Variants in SH3D19 observed in about 807,000 individuals in gnomAD.
SH3D19 encodes SH3 domain containing 19.
SH3D19 carries 58 observed loss-of-function variants against 112.1 expected under a neutral mutation model. The ratio of observed to expected loss-of-function variants is 0.52; its 90% CI spans 0.42 to 0.64. The LOEUF is 0.64. Ranked by LOEUF, SH3D19 falls within the 30% of genes least tolerant of loss-of-function variation. The pLI, the probability that SH3D19 is intolerant of heterozygous loss-of-function variation, is 0.00. For missense variants in SH3D19, 1,090 were observed against 1,263.4 expected, an observed-to-expected ratio of 0.86 and a Z score of 2.08; for synonymous variants, 391 against 448.5, an observed-to-expected ratio of 0.87 and a Z score of 1.62.
chr4:151,210,384 T>TTA (rs1561348042), intron 2 of SH3D19, among the ~76,000 whole-genome samples: 1 of 151,820 alleles, frequency 6.6e-6, no homozygotes, highest in Non-Finnish European at 1.5e-5. Context: ...GAAAAGAAAC[T>TTA]TATATATATC....
intron 1 of SH3D19, among the ~76,000 whole-genome samples, chr4:151,317,755 C>T (rs1349388885): frequency 1.3e-5 from 2 of 152,148 alleles, no homozygotes; most frequent in African/African-American, 4.8e-5. Flanking sequence ...AGGCACATCA[C>T]CTGAGGTCAG....
chr4:151,170,314 C>A (rs1211563977), intron 7 of SH3D19, among the ~76,000 whole-genome samples: 1 of 151,958 alleles, frequency 6.6e-6, no homozygotes, highest in Admixed American at 6.6e-5. Context: ...GAAAAAGTTA[C>A]AAGATTAAGC....
intron 1 of SH3D19, among the ~76,000 whole-genome samples, chr4:151,290,713 A>G (rs1775239095): frequency 6.6e-6 from 1 of 152,220 alleles, no homozygotes. Flanking sequence ...GAAAGAGAAC[A>G]AGACTAGAAG....
intron 3 of SH3D19, among the ~76,000 whole-genome samples, chr4:151,180,087 T>C (rs2149835604): frequency 6.6e-6 from 1 of 152,266 alleles, no homozygotes; most frequent in East Asian, 1.9e-4. Context: ...TTTCGCCATG[T>C]TGCTGGTCTC....
intron 1 of SH3D19, chr4:151,277,173 A>G (rs758543029): frequency 1.3e-5 from 19 of 1,482,880 alleles, no homozygotes; most frequent in Non-Finnish European, 1.7e-5. Flanking sequence ...GGACAGAGAC[A>G]TGGGCCCTGC....
Position 151,223,610 on chromosome 4 carries a change from G to A in SH3D19, c.152+2437C>T, listed in dbSNP as rs74877017. On this transcript the variant is annotated intron_variant, in intron 2 of 19. Coordinates refer to ENST00000604030, the MANE Select transcript of SH3D19 (RefSeq NM_001378122.1). ...GAAGAATTCTGCTAGTTTCCTCCAC[G>A]TATCAGCCTCTGGGTGTTTGAAGCC... 4.1e-3 allele frequency among the ~76,000 whole-genome samples: 630 copies of A among 152,240 alleles called. 1 individual carries two copies. Among genetic ancestry groups the A allele is most frequent in the Non-Finnish European group, 6.8e-3 (462 of 68,012 alleles).
At chr4:151,126,387 A>G (rs970222007) in intron 19 of SH3D19, among the ~76,000 whole-genome samples, 2 of 152,208 alleles carry the variant, frequency 1.3e-5, no homozygotes, top group African/African-American at 4.8e-5. Flanking sequence ...TGCCTGACAC[A>G]GGCTATTTTG....
intron 1 of SH3D19, among the ~76,000 whole-genome samples, chr4:151,265,810 C>A (rs1198483444): frequency 6.6e-6 from 1 of 151,932 alleles, no homozygotes; most frequent in Non-Finnish European, 1.5e-5. Flanking sequence ...GTAATGAACT[C>A]CTGACCTCAA....
intron 11 of SH3D19, 37 bp from the exon 12 acceptor site, chr4:151,144,087 A>G: frequency 6.3e-7 from 1 of 1,592,498 alleles, no homozygotes; most frequent in Non-Finnish European, 8.5e-7. Context: ...AGCAATTATT[A>G]TTTAATAAAA....
intron 11 of SH3D19, among the ~76,000 whole-genome samples, chr4:151,144,560 C>T (rs1278342511): frequency 2.0e-5 from 3 of 152,174 alleles, no homozygotes; most frequent in Admixed American, 1.3e-4. Flanking sequence ...TTCTGTTCTA[C>T]AGGACAAGAT....
intron 1 of SH3D19, chr4:151,279,875 C>CAGA: frequency 7.3e-7 from 1 of 1,374,420 alleles, no homozygotes; most frequent in Non-Finnish European, 1.0e-6. Context: ...GGCAGGTCAG[C>CAGA]CTACACTTTG....
chr4:151,248,073 TG>T (rs2149974456), intron 1 of SH3D19, among the ~76,000 whole-genome samples: 1 of 152,324 alleles, frequency 6.6e-6, no homozygotes, highest in Non-Finnish European at 1.5e-5. Context: ...TACTTCATGT[TG>T]ACCAGATTTT....
At chr4:151,304,367 T>G (rs2126341866) in intron 1 of SH3D19, among the ~76,000 whole-genome samples, 1 of 152,310 alleles carries the variant, frequency 6.6e-6, no homozygotes, top group Admixed American at 6.5e-5. Flanking sequence ...GTGGCATTTT[T>G]AACTTACCCT....
At chr4:151,149,613 T>C (rs1475465297) in intron 9 of SH3D19, 52 bp from the exon 10 acceptor site, 2 of 1,538,422 alleles carry the variant, frequency 1.3e-6, no homozygotes, top group Admixed American at 3.6e-5. Context: ...AAACAAGAAC[T>C]TGTCAAGAGA....
intron 2 of SH3D19, among the ~76,000 whole-genome samples, chr4:151,204,759 T>C (rs1013038835): frequency 1.3e-5 from 2 of 152,200 alleles, no homozygotes; most frequent in African/African-American, 4.8e-5. Context: ...AGGTGATATT[T>C]TTAACAATCA....
At chr4:151,220,724 G>C (rs533904627) in intron 2 of SH3D19, among the ~76,000 whole-genome samples, 1 of 152,158 alleles carries the variant, frequency 6.6e-6, no homozygotes, top group African/African-American at 2.4e-5. Flanking sequence ...TTTTAAACGA[G>C]TGTGTAGTAT....
chr4:151,126,999 T>C (rs946041869), intron 19 of SH3D19, among the ~76,000 whole-genome samples: 2 of 149,838 alleles, frequency 1.3e-5, no homozygotes, highest in Non-Finnish European at 3.0e-5. Flanking sequence ...AAGCTCCACC[T>C]CCCGGGTTCA....
intron 1 of SH3D19, among the ~76,000 whole-genome samples, chr4:151,241,384 TA>T (rs760989536): frequency 3.3e-5 from 5 of 151,966 alleles, no homozygotes; most frequent in Non-Finnish European, 7.3e-5. Flanking sequence ...ATGTCTAGAA[TA>T]AATAGGTCTA....
intron 7 of SH3D19, among the ~76,000 whole-genome samples, chr4:151,167,131 G>C (rs149580345): frequency 6.6e-6 from 1 of 150,892 alleles, no homozygotes; most frequent in South Asian, 2.1e-4. Flanking sequence ...CTAGTCTTAC[G>C]TTAAAAAAAC....
Sources: allele counts gnomAD v4.1 joint callset (sites outside exome capture counted in the v4.1 genomes callset), GRCh38; gene constraint gnomAD v4.1.1; transcripts MANE v1.5; gene names NCBI Gene and HGNC (gene_info 2026-07-23, HGNC 2026-07-21).